Variants in KLHL3 observed in about 807,000 individuals in gnomAD.
KLHL3 encodes the protein kelch like family member 3.
A neutral mutation model predicts 70.5 loss-of-function variants in KLHL3; 19 were observed. That is an observed-to-expected ratio of 0.27 (90% CI 0.19 to 0.40). The LOEUF (loss-of-function observed/expected upper bound fraction) is 0.40, where lower values mean the gene tolerates loss of function less well. Ranked by LOEUF, KLHL3 falls within the 10% of genes least tolerant of loss-of-function variation. The probability of loss-of-function intolerance (pLI) is 1.00; values close to 1 mark genes in which losing one functional copy is unlikely to be tolerated. For missense variants in KLHL3, 512 were observed against 771.1 expected, an observed-to-expected ratio of 0.66 and a Z score of 3.98; for synonymous variants, 258 against 290.3, an observed-to-expected ratio of 0.89 and a Z score of 1.13.
chr5:137,631,349 C>A (rs1750632367), intron 12 of KLHL3, among the ~76,000 whole-genome samples: 1 of 152,184 alleles, frequency 6.6e-6, no homozygotes, highest in Admixed American at 6.5e-5. Flanking sequence ...GATCATAGAG[C>A]TTCTGGTTTT....
At chr5:137,708,558 AG>A (rs1395865810) in intron 3 of KLHL3, among the ~76,000 whole-genome samples, 10 of 152,234 alleles carry the variant, frequency 6.6e-5, no homozygotes, top group Admixed American at 3.3e-4. Context: ...ACCATGTACC[AG>A]GTGCTCAGTA....
intron 2 of KLHL3, among the ~76,000 whole-genome samples, chr5:137,714,545 C>T: frequency 6.6e-6 from 1 of 152,120 alleles, no homozygotes; most frequent in Non-Finnish European, 1.5e-5. Context: ...ATACAAAAGG[C>T]TACCTATTGT....
In KLHL3 at chr5:137,694,602, A is replaced by G. The variant is rs557869686; in HGVS notation, c.364-2155T>C. ...CATTCTTGCTGAATGCACACCAGGAATAAAAAGCTCTGCTCCCAGTCTCCA... is the reference window on the plus strand; with the variant it reads ...CATTCTTGCTGAATGCACACCAGGAGTAAAAAGCTCTGCTCCCAGTCTCCA... On this transcript the variant is annotated intron_variant, in intron 4 of 14. Transcript: ENST00000309755. Among the ~76,000 whole-genome samples the G allele has an allele frequency of 6.8e-4, 103 of 152,324 alleles. 1 individual carries two copies. The highest frequency in any genetic ancestry group is 7.7e-4 in the East Asian group (4 of 5,182).
chr5:137,721,768 G>C (rs933997720), intron 1 of KLHL3, among the ~76,000 whole-genome samples: 14 of 152,204 alleles, frequency 9.2e-5, no homozygotes, highest in African/African-American at 3.1e-4. Context: ...CTGGGCAACA[G>C]AGCAAAACTC....
chr5:137,706,905 A>G (rs1752696341), intron 3 of KLHL3, among the ~76,000 whole-genome samples: 1 of 152,170 alleles, frequency 6.6e-6, no homozygotes, highest in South Asian at 2.1e-4. Flanking sequence ...GGCCAGGGAA[A>G]TCAAACATTG....
In KLHL3 at chr5:137,639,743, C is replaced by T. The variant is rs1052494060; in HGVS notation, c.1021+117G>A. 13 of 677,456 alleles carry T rather than the reference C, an allele frequency of 1.9e-5. No individual in the cohort carries two copies. The South Asian group carries it at 2.1e-4, about 11-fold the overall frequency. The allele number at this position is 677,456 out of a possible 1,614,324, so 42.0% of individuals were successfully genotyped here. A position where few individuals can be genotyped will look rare whatever the true frequency, so the allele number is the denominator to read the frequency against. On this transcript the variant is annotated intron_variant, in intron 9 of 14. Coordinates refer to ENST00000309755, the MANE Select transcript of KLHL3 (RefSeq NM_017415.3). This position sits in a 1 kb window ranked among gnomAD's most constrained non-coding sequence, Gnocchi z 5.0. ...AAAAAAAAAGTGTGCAGGAGGGAAA[C>T]GAATGGGAGCCTGAAATGCACAGAT... is the stretch of plus-strand genomic sequence containing the variant.
At chr5:137,728,348 G>C (rs916831923) in intron 1 of KLHL3, among the ~76,000 whole-genome samples, 5 of 152,124 alleles carry the variant, frequency 3.3e-5, no homozygotes, top group African/African-American at 1.2e-4. Context: ...AATGATTACT[G>C]AGTAAATTAA....
chr5:137,644,783 GA>G (rs1431794739), intron 8 of KLHL3, among the ~76,000 whole-genome samples: 1 of 152,160 alleles, frequency 6.6e-6, no homozygotes, highest in African/African-American at 2.4e-5. Context: ...CTAAAATATT[GA>G]AAGGGAGGGA....
intron 1 of KLHL3, among the ~76,000 whole-genome samples, chr5:137,722,128 T>C (rs1008428730): frequency 6.6e-6 from 1 of 152,244 alleles, no homozygotes; most frequent in African/African-American, 2.4e-5. Flanking sequence ...CCTCTATCCA[T>C]GCTACCACTT....
chr5:137,634,307 C>T (rs1180531322), intron 11 of KLHL3, 142 bp from the exon 12 acceptor site: 1 of 857,444 alleles, frequency 1.2e-6, no homozygotes, highest in African/African-American at 1.7e-5. Context: ...CACCAACTTA[C>T]TCCTCAACCA....
At chr5:137,727,322 A>G (rs1272232669) in intron 1 of KLHL3, among the ~76,000 whole-genome samples, 1 of 151,978 alleles carries the variant, frequency 6.6e-6, no homozygotes, top group Non-Finnish European at 1.5e-5. Context: ...CACTTTCGCT[A>G]CCATTACAAC....
intron 4 of KLHL3, among the ~76,000 whole-genome samples, chr5:137,693,794 C>T (rs2149918849): frequency 6.6e-6 from 1 of 152,260 alleles, no homozygotes; most frequent in Non-Finnish European, 1.5e-5. Context: ...GCCACAAGGG[C>T]TTGCCCAGGA....
intron 8 of KLHL3, among the ~76,000 whole-genome samples, chr5:137,645,282 C>T (rs1751016061): frequency 6.6e-6 from 1 of 152,170 alleles, no homozygotes; most frequent in Non-Finnish European, 1.5e-5. Flanking sequence ...TTCTCCACTT[C>T]TATCCAACAT....
At chr5:137,714,012 C>T (rs1295471985) in intron 2 of KLHL3, among the ~76,000 whole-genome samples, 2 of 150,124 alleles carry the variant, frequency 1.3e-5, no homozygotes, top group Non-Finnish European at 3.0e-5. Flanking sequence ...TCTCCTAATG[C>T]TATCCCTCCC....
Position 137,621,977 on chromosome 5 carries a change from G to T in KLHL3, c.*121C>A. The T allele has an allele frequency of 9.9e-7, 1 of 1,005,470 alleles. No homozygotes were observed. Among genetic ancestry groups the T allele is most frequent in the Non-Finnish European group, 1.6e-6 (1 of 629,892 alleles). 62.3% of individuals were successfully genotyped at this position (1,005,470 alleles called of 1,614,324 possible). On this transcript the variant is annotated 3_prime_UTR_variant, in exon 15 of 15. Coordinates refer to ENST00000309755, the MANE Select transcript of KLHL3 (RefSeq NM_017415.3). The stretch of plus-strand genomic sequence containing the variant: ...CACCAGTCTGCCAAGTCAGAGGAGA[G>T]CGGTTCTCACAGCAGCACAGACCCT...
rs565936096 is a variant in KLHL3 at position 137,695,190 on chromosome 5, C to CT, written c.364-2744dup. Among the ~76,000 whole-genome samples the CT allele has an allele frequency of 3.5e-3, 539 of 152,300 alleles. 6 individuals are homozygous for CT. Among genetic ancestry groups the CT allele is most frequent in the Non-Finnish European group, 5.6e-3 (384 of 68,020 alleles). On this transcript the variant is annotated intron_variant, in intron 4 of 14. Transcript: ENST00000309755. ...TCCTGAATATACTCCTTAGGTTACA[C>CT]TTTCCATTTTTAAAACCTCCCTGGA...
chr5:137,675,526 C>T (rs1286388698), intron 6 of KLHL3, among the ~76,000 whole-genome samples: 1 of 152,094 alleles, frequency 6.6e-6, no homozygotes, highest in Non-Finnish European at 1.5e-5. Context: ...AGGAGGGACT[C>T]AGAATTCCCA....
chr5:137,661,932 T>C lies in KLHL3; in HGVS notation c.736A>G (p.Arg246Gly). Residue 246 changes from arginine (R) to glycine (G), a missense_variant, in exon 7 of 15, where the codon AGG (arginine) becomes GGG (glycine). Physicochemically the swap from Arg to Gly is moderately radical, Grantham distance 125 (BLOSUM62 -2). Transcript: ENST00000309755. Reference sequence around the variant, plus strand: ...ACACTCACTTGGACTAGGTAGTCCCTAGGTAAGAGAGGAAGTCGGACATGT... The same window carrying C: ...ACACTCACTTGGACTAGGTAGTCCCCAGGTAAGAGAGGAAGTCGGACATGT... ...MEHVRLPLLP[R>G]DYLVQTVEEE... 6.2e-7 allele frequency: 1 copy of C among 1,600,954 alleles called. No individual in the cohort carries two copies. Among genetic ancestry groups the C allele is most frequent in the Non-Finnish European group, 8.6e-7 (1 of 1,168,076 alleles).
rs1012577761 is a variant in KLHL3 at position 137,692,391 on chromosome 5, A to G, written c.420T>C (p.Cys140=). Residue 140 remains cysteine (C), a synonymous_variant, in exon 5 of 15, where the codon TGT becomes TGC. Transcript: ENST00000309755. ...LQLMDVRQNC[C]DFLQSQLHPT... The stretch of plus-strand genomic sequence containing the variant: ...GATGCAACTGAGACTGCAGGAAGTC[A>G]CAGCAGTTCTGCCGAACATCCATGA... The G allele has an allele frequency of 9.9e-6, 16 of 1,613,940 alleles. No homozygotes were observed. The highest frequency in any genetic ancestry group is 3.3e-5 in the South Asian group (3 of 91,066).
Sources: allele counts gnomAD v4.1 joint callset (sites outside exome capture counted in the v4.1 genomes callset), GRCh38; gene constraint gnomAD v4.1.1; non-coding constraint Gnocchi (gnomAD v3.1); transcripts MANE v1.5; gene names NCBI Gene and HGNC (gene_info 2026-07-23, HGNC 2026-07-21).